Variants in DNM1L observed in about 807,000 individuals in gnomAD.
DNM1L encodes the protein dynamin 1L.
A neutral mutation model predicts 92.8 loss-of-function variants in DNM1L; 33 were observed. That is an observed-to-expected ratio of 0.36 (90% CI 0.27 to 0.48). DNM1L has a LOEUF of 0.48. Ranked by LOEUF, DNM1L falls within the 20% of genes least tolerant of loss-of-function variation. The pLI, the probability that DNM1L is intolerant of heterozygous loss-of-function variation, is 0.99. For missense variants in DNM1L, 485 were observed against 888.8 expected, an observed-to-expected ratio of 0.55 and a Z score of 5.78; for synonymous variants, 284 against 305.0, an observed-to-expected ratio of 0.93 and a Z score of 0.72.
At chr12:32,701,743 T>C (rs1168770914) in intron 2 of DNM1L, among the ~76,000 whole-genome samples, 181 bp downstream of exon 2, 1 of 151,886 alleles carries the variant, frequency 6.6e-6, no homozygotes, top group Non-Finnish European at 1.5e-5. Flanking sequence ...TGTTTTGTTT[T>C]TGAGACGGAG....
chr12:32,698,556 TA>T (rs1485109003), intron 1 of DNM1L, among the ~76,000 whole-genome samples: 2 of 152,208 alleles, frequency 1.3e-5, no homozygotes, highest in Non-Finnish European at 2.9e-5. Context: ...TAAATTAATC[TA>T]ATTTGAGTGG....
At chr12:32,701,386 T>C (rs1436027847) in intron 1 of DNM1L, 29 bp from the exon 2 acceptor site, 1 of 1,607,564 alleles carries the variant, frequency 6.2e-7, no homozygotes, top group Admixed American at 1.7e-5. Flanking sequence ...AAGAAACTCA[T>C]TTTGCTCTTG....
chr12:32,704,923 T>A (rs903647302), intron 2 of DNM1L, among the ~76,000 whole-genome samples: 1 of 152,160 alleles, frequency 6.6e-6, no homozygotes, highest in Non-Finnish European at 1.5e-5. Flanking sequence ...AAAGATGTAT[T>A]TAGTATATTT....
rs1230026407 is a variant in DNM1L at position 32,712,282 on chromosome 12, T to TA, written c.457-926dup. Among the ~76,000 whole-genome samples the TA allele has an allele frequency of 2.0e-5, 3 of 152,306 alleles. No homozygotes were observed. The East Asian group carries it at 5.8e-4, about 29-fold the overall frequency. The stretch of plus-strand genomic sequence containing the variant: ...ACAGAGGTCTAAAATATCTACTTGT[T>TA]ACGTCCCTATTCTTCTCCTAACTCC... On this transcript the variant is annotated intron_variant, in intron 5 of 19. Transcript: ENST00000549701.
chr12:32,740,364 T>G (rs1302479342), intron 17 of DNM1L, 45 bp from the exon 18 acceptor site: 1 of 1,609,410 alleles, frequency 6.2e-7, no homozygotes. Context: ...AGCTGCCATT[T>G]TAGTGTCACA....
chr12:32,717,493 G>C (rs1159279551), intron 6 of DNM1L, among the ~76,000 whole-genome samples: 3 of 104,062 alleles, frequency 2.9e-5, no homozygotes, highest in East Asian at 5.1e-4. Context: ...TATATATATA[G>C]TATATATATA....
intron 9 of DNM1L, among the ~76,000 whole-genome samples, chr12:32,724,589 A>ATATAT (rs1555123381): frequency 3.6e-4 from 29 of 80,768 alleles, no homozygotes; most frequent in East Asian, 1.2e-3. Context: ...AAAAAAAAAA[A>ATATAT]AAAAATATAT....
chr12:32,712,691 C>T (rs557609104), intron 5 of DNM1L, among the ~76,000 whole-genome samples: 2 of 141,344 alleles, frequency 1.4e-5, no homozygotes, highest in South Asian at 2.5e-4. Flanking sequence ...AAAAAATCAT[C>T]TCTAATCATT....
chr12:32,735,400 AT>A (rs1954801945), intron 13 of DNM1L, among the ~76,000 whole-genome samples: 1 of 152,202 alleles, frequency 6.6e-6, no homozygotes, highest in African/African-American at 2.4e-5. Flanking sequence ...TAGGGTGAGA[AT>A]TCTAGATACC....
chr12:32,706,707 C>T (rs1384227585), intron 2 of DNM1L: 2 of 454,702 alleles, frequency 4.4e-6, no homozygotes, highest in Non-Finnish European at 8.8e-6. Context: ...GGAAAACAGT[C>T]TTGACCCTGG....
rs1346356279 is a variant in DNM1L, at chr12:32,686,928, CTTTTTTTTCTTTTTTT to C, written c.102+7472_102+7487del. Among the ~76,000 whole-genome samples, 297 of 121,630 alleles carry C rather than the reference CTTTTTTTTCTTTTTTT, an allele frequency of 2.4e-3. 1 individual carries two copies. Among genetic ancestry groups the C allele is most frequent in the African/African-American group, 1.0e-2 (281 of 28,150 alleles). The allele number at this position is 121,630 out of a possible 152,430, so 79.8% of individuals were successfully genotyped here. A position where few individuals can be genotyped will look rare whatever the true frequency, so the allele number is the denominator to read the frequency against. ...TCTTATTGTTGAGGTTGTAAGAGTT[CTTTTTTTTCTTTTTTT>C]TTTTTTTTTTTTGAGATGGAGTCTC... On this transcript the variant is annotated intron_variant, in intron 1 of 19. Coordinates refer to ENST00000549701, the MANE Select transcript of DNM1L (RefSeq NM_012062.5).
At chr12:32,722,750 A>ACTTTGTAGAG (rs1202648167) in intron 9 of DNM1L, 117 bp downstream of exon 9, 2 of 798,236 alleles carry the variant, frequency 2.5e-6, no homozygotes, top group Admixed American at 2.3e-5. Flanking sequence ...ATAAAACAAA[A>ACTTTGTAGAG]ATATAACTTT....
intron 6 of DNM1L, among the ~76,000 whole-genome samples, chr12:32,717,480 T>TTA (rs1223357097): frequency 2.8e-5 from 3 of 106,544 alleles, no homozygotes; most frequent in Non-Finnish European, 5.2e-5. Flanking sequence ...AGTATATATA[T>TTA]TATATATATA....
chr12:32,737,960 A>G lies in DNM1L; in HGVS notation c.1674+18A>G. The G allele has an allele frequency of 6.2e-7, 1 of 1,612,576 alleles. No individual in the cohort carries two copies. ...ATGGCAAGGTCTGTTCTGATTCTTAATCTAAGCCTGCATGCCTTGTTCTCT... is the reference window on the plus strand; with the variant it reads ...ATGGCAAGGTCTGTTCTGATTCTTAGTCTAAGCCTGCATGCCTTGTTCTCT... On this transcript the variant is annotated intron_variant, in intron 15 of 19. Coordinates refer to ENST00000549701, the MANE Select transcript of DNM1L (RefSeq NM_012062.5).
chr12:32,719,275 T>G (rs2137428439), intron 7 of DNM1L, among the ~76,000 whole-genome samples: 1 of 152,300 alleles, frequency 6.6e-6, no homozygotes, highest in Non-Finnish European at 1.5e-5. Flanking sequence ...TGGAAAATGT[T>G]TCTAAAGTAA....
At chr12:32,685,781 C>T (rs1951987036) in intron 1 of DNM1L, among the ~76,000 whole-genome samples, 1 of 151,896 alleles carries the variant, frequency 6.6e-6, no homozygotes, top group Admixed American at 6.6e-5. Flanking sequence ...ATTTGAAAAA[C>T]AGCACTTTTT....
chr12:32,729,257 ATTTT>A (rs1954377948), intron 9 of DNM1L, among the ~76,000 whole-genome samples: 1 of 151,124 alleles, frequency 6.6e-6, no homozygotes, highest in African/African-American at 2.4e-5. Context: ...AATTTTTTGT[ATTTT>A]TAGTAGAGAT....
At position 32,733,968 on chromosome 12, in the gene DNM1L, A is replaced by C. The variant is rs768403530; in HGVS notation, c.1539+161A>C. ...GCTGAGGGGATTACATTGTTTTCTT[A>C]ATTCTCAAAACCACCTGCAGGCATT... is the stretch of plus-strand genomic sequence containing the variant. On this transcript the variant is annotated intron_variant, in intron 13 of 19. Transcript: ENST00000549701. Among the ~76,000 whole-genome samples the C allele has an allele frequency of 8.5e-5, 13 of 152,202 alleles. 1 individual carries two copies. The highest frequency in any genetic ancestry group is 1.6e-4 in the Non-Finnish European group (11 of 68,046).
intron 3 of DNM1L, 141 bp downstream of exon 3, chr12:32,707,554 A>G (rs1477907008): frequency 1.5e-5 from 9 of 596,792 alleles, no homozygotes; most frequent in Non-Finnish European, 1.6e-5. Context: ...AATCTTAGTA[A>G]CATTTCTAAC....
Sources: allele counts gnomAD v4.1 joint callset (sites outside exome capture counted in the v4.1 genomes callset), GRCh38; gene constraint gnomAD v4.1.1; transcripts MANE v1.5; gene names NCBI Gene and HGNC (gene_info 2026-07-23, HGNC 2026-07-21).